PDZD2: variants seen among roughly 807,000 people sequenced by gnomAD.
The protein encoded by PDZD2 is PDZ domain containing 2.
Under a neutral mutation model 220.7 loss-of-function variants are expected in PDZD2, and 90 were observed. The observed-to-expected ratio is 0.41, with a 90% CI of 0.34 to 0.49. The LOEUF (loss-of-function observed/expected upper bound fraction) is 0.49. Ranked by LOEUF, PDZD2 falls within the 20% of genes least tolerant of loss-of-function variation. The pLI is 0.28. For synonymous variants in PDZD2, 1,375 were observed against 1,450.5 expected (o/e 0.95, Z 1.18); for missense variants, 3,174 against 3,608.5 (o/e 0.88, Z 3.08).
chr5:31,887,907 T>C (rs977919838), intron 2 of PDZD2, among the ~76,000 whole-genome samples: 4 of 152,100 alleles, frequency 2.6e-5, no homozygotes, highest in African/African-American at 7.2e-5. Context: ...TTTGAAAGGC[T>C]GCTTAGCCGA....
chr5:31,970,512 C>T (rs1388684974), intron 2 of PDZD2, among the ~76,000 whole-genome samples: 5 of 151,872 alleles, frequency 3.3e-5, no homozygotes, highest in East Asian at 1.9e-4. Flanking sequence ...AAAAATTAAC[C>T]GGGCATGATG....
chr5:31,877,462 G>C (rs1212203600), intron 2 of PDZD2, among the ~76,000 whole-genome samples: 1 of 152,014 alleles, frequency 6.6e-6, no homozygotes, highest in African/African-American at 2.4e-5. Flanking sequence ...CAAGTTATCT[G>C]TCTCCCTCGG....
chr5:31,850,448 A>G (rs1333469334), intron 2 of PDZD2, among the ~76,000 whole-genome samples: 2 of 151,502 alleles, frequency 1.3e-5, no homozygotes, highest in East Asian at 3.9e-4. Context: ...TAACAGTGGA[A>G]CGCTATAGTT....
chr5:31,725,921 A>T, intron 1 of PDZD2: 1 of 684,912 alleles, frequency 1.5e-6, no homozygotes, highest in South Asian at 1.6e-5. Flanking sequence ...CCGTTCCTCC[A>T]GCTGCCTGGG....
At chr5:31,703,730 G>A (rs1356211228) in intron 1 of PDZD2, among the ~76,000 whole-genome samples, 3 of 152,096 alleles carry the variant, frequency 2.0e-5, no homozygotes. Context: ...CAGGATAACT[G>A]GTCATTCTCA....
At chr5:31,867,428 G>A (rs1233546545) in intron 2 of PDZD2, among the ~76,000 whole-genome samples, 3 of 152,166 alleles carry the variant, frequency 2.0e-5, no homozygotes, top group African/African-American at 2.4e-5. Flanking sequence ...GGTTTTTGGA[G>A]CCAGAGCCTC....
intron 2 of PDZD2, among the ~76,000 whole-genome samples, chr5:31,854,454 C>T (rs540105712): frequency 1.8e-4 from 27 of 152,288 alleles, no homozygotes; most frequent in African/African-American, 6.5e-4. Context: ...AGGCTCTGAC[C>T]GGGGATTTCT....
intron 1 of PDZD2, among the ~76,000 whole-genome samples, chr5:31,755,502 C>T (rs1580693687): frequency 2.0e-5 from 3 of 152,182 alleles, no homozygotes; most frequent in Non-Finnish European, 4.4e-5. Flanking sequence ...CTGTATTCTG[C>T]TTCTCTCTCT....
chr5:32,078,209 C>T (rs888348098), intron 19 of PDZD2, among the ~76,000 whole-genome samples: 4 of 152,064 alleles, frequency 2.6e-5, no homozygotes, highest in Admixed American at 2.0e-4. Flanking sequence ...ACTCTGCCTA[C>T]GTGAAATCAA....
At chr5:32,003,138 ACACACACCACACAC>A (rs1358118278) in intron 5 of PDZD2, among the ~76,000 whole-genome samples, 143 of 14,020 alleles carry the variant, frequency 0.01, 4 homozygotes, top group Non-Finnish European at 0.035. Flanking sequence ...CACACACCAC[ACACACACCACACAC>A]CACCAACACA....
In PDZD2 at chr5:31,820,046, A is replaced by G. The variant is rs552005740; in HGVS notation, c.476+20322A>G. On this transcript the variant is annotated intron_variant, in intron 2 of 24. Transcript: ENST00000438447. Reference sequence around the variant, plus strand: ...CCTTGCAACAAGTCAAGTAAGGAGAATACCAGGGATAGCTCCCAATGCGGT... The same window carrying G: ...CCTTGCAACAAGTCAAGTAAGGAGAGTACCAGGGATAGCTCCCAATGCGGT... Among the ~76,000 whole-genome samples the G allele has an allele frequency of 8.0e-4, 122 of 152,364 alleles. 1 individual carries two copies. Among genetic ancestry groups the G allele is most frequent in the Admixed American group, 2.4e-3 (36 of 15,304 alleles).
chr5:31,657,594 G>A (rs557046174), intron 1 of PDZD2, among the ~76,000 whole-genome samples: 1 of 152,314 alleles, frequency 6.6e-6, no homozygotes, highest in East Asian at 1.9e-4. Context: ...CTCAAGTGAA[G>A]GTCCTGCACT....
intron 2 of PDZD2, among the ~76,000 whole-genome samples, chr5:31,810,524 C>A (rs1345685017): frequency 6.6e-6 from 1 of 152,202 alleles, no homozygotes; most frequent in East Asian, 1.9e-4. Context: ...CTTGGCCTCC[C>A]AAAGTGCTGG....
chr5:31,705,771 C>T (rs149630867), intron 1 of PDZD2, among the ~76,000 whole-genome samples: 4 of 152,292 alleles, frequency 2.6e-5, no homozygotes, highest in East Asian at 1.9e-4. Context: ...TGAGAGGGGC[C>T]GGGCATGGTG....
Position 32,089,795 on chromosome 5 carries a change from G to A in PDZD2, c.6347G>A (p.Gly2116Glu). 2 of 1,614,222 alleles carry A rather than the reference G, an allele frequency of 1.2e-6. No homozygotes were observed. Among genetic ancestry groups the A allele is most frequent in the Non-Finnish European group, 8.5e-7 (1 of 1,180,044 alleles). ...GNKPAESDRR[G>E]GCLAQGNCQE... Reference sequence around the variant, plus strand: ...AAGCCAGCTGAAAGCGACAGACGGGGAGGGTGCTTGGCCCAGGGCAACTGT... The same window carrying A: ...AAGCCAGCTGAAAGCGACAGACGGGAAGGGTGCTTGGCCCAGGGCAACTGT... Residue 2116 changes from glycine to glutamate, a missense_variant, in exon 20 of 25, where the codon GGA (glycine) becomes GAA (glutamate). This residue lies in a region of PDZD2 where 1,861 missense variants were observed against 2,001.0 expected (regional missense o/e 0.93). Coordinates refer to ENST00000438447, the MANE Select transcript of PDZD2 (RefSeq NM_178140.4).
rs189147879 is a variant in PDZD2 at position 31,964,133 on chromosome 5, G to T, written c.477-19022G>T. Among the ~76,000 whole-genome samples, 53 of 152,358 alleles carry T rather than the reference G, an allele frequency of 3.5e-4. 1 individual carries two copies. In the East Asian group the frequency reaches 0.01, roughly 29 times the overall value. On this transcript the variant is annotated intron_variant, in intron 2 of 24. Transcript: ENST00000438447. The stretch of plus-strand genomic sequence containing the variant: ...AGAACGTGTTTGGACCCACCACCCT[G>T]TGTGAGTTCACTTTTCAGGGCTTCC...
At chr5:31,755,259 TG>T (rs1751241932) in intron 1 of PDZD2, among the ~76,000 whole-genome samples, 4 of 152,308 alleles carry the variant, frequency 2.6e-5, no homozygotes, top group African/African-American at 9.6e-5. Context: ...TGTTTCTGGA[TG>T]TTTTTTTGTT....
chr5:31,986,343 A>G (rs1023398948), intron 3 of PDZD2, among the ~76,000 whole-genome samples: 11 of 152,148 alleles, frequency 7.2e-5, no homozygotes, highest in Non-Finnish European at 1.5e-4. Context: ...GCCCCGGGTC[A>G]TACTTTTTGT....
intron 2 of PDZD2, among the ~76,000 whole-genome samples, chr5:31,851,046 C>T (rs1758030346): frequency 6.6e-6 from 1 of 152,170 alleles, no homozygotes; most frequent in African/African-American, 2.4e-5. Flanking sequence ...TAGGAAAAGG[C>T]TGTTAAGTTT....
Sources: gnomAD v4.1 joint callset for allele counts (sites outside exome capture counted in the v4.1 genomes callset) on GRCh38, gnomAD v4.1.1 for gene constraint, gnomAD v4.1.1 regional missense constraint, MANE v1.5 for transcripts, NCBI Gene and HGNC (gene_info 2026-07-23, HGNC 2026-07-21) for gene names.